Variants in CTNNA3 observed in about 807,000 individuals in gnomAD.
CTNNA3 encodes the protein catenin alpha-3.
In CTNNA3, 76 loss-of-function variants were observed where a neutral mutation model predicts 95.7. The ratio of observed to expected loss-of-function variants is 0.79; its 90% CI spans 0.66 to 0.96. The LOEUF (loss-of-function observed/expected upper bound fraction) is 0.96. CTNNA3 is among the 40% of genes least tolerant of loss of function. The pLI is 0.00. For missense variants in CTNNA3, 1,191 were observed against 1,089.8 expected (o/e 1.09, Z -1.31); for synonymous variants, 431 against 374.4 (o/e 1.15, Z -1.74).
chr10:67,561,704 G>GT (rs1328743973), intron 3 of CTNNA3, among the ~76,000 whole-genome samples: 1 of 151,830 alleles, frequency 6.6e-6, no homozygotes, highest in Non-Finnish European at 1.5e-5. Context: ...CCAGGAGCTG[G>GT]TTTTTTGAAA....
chr10:67,223,864 T>C (rs1864769055), intron 5 of CTNNA3, among the ~76,000 whole-genome samples: 1 of 152,132 alleles, frequency 6.6e-6, no homozygotes, highest in South Asian at 2.1e-4. Flanking sequence ...AAAATAGAGT[T>C]ACCCACAGCA....
At chr10:67,664,921 G>A (rs1457905150) in intron 1 of CTNNA3, among the ~76,000 whole-genome samples, 1 of 152,070 alleles carries the variant, frequency 6.6e-6, no homozygotes, top group Non-Finnish European at 1.5e-5. Context: ...AAAAACTACA[G>A]GGAAAAATCC....
chr10:67,720,079 T>C (rs3132084), intron 1 of CTNNA3, among the ~76,000 whole-genome samples: 63,227 of 145,900 alleles, frequency 0.43, 17,001 homozygotes, highest in African/African-American at 0.77. Context: ...TTTTTCGTAT[T>C]TTTATTGGTT....
chr10:65,946,378 T>C (rs1241770053), intron 17 of CTNNA3, among the ~76,000 whole-genome samples: 1 of 152,148 alleles, frequency 6.6e-6, no homozygotes, highest in Non-Finnish European at 1.5e-5. Flanking sequence ...TTTTTTAGCA[T>C]GATGAAACCT....
intron 15 of CTNNA3, among the ~76,000 whole-genome samples, chr10:66,008,458 C>T (rs866984972): frequency 1.3e-5 from 2 of 152,308 alleles, no homozygotes; most frequent in Non-Finnish European, 1.5e-5. Context: ...AGCTGGCATC[C>T]GAAAGGCGTC....
intron 1 of CTNNA3, among the ~76,000 whole-genome samples, chr10:67,751,564 G>A (rs553966931): frequency 1.5e-4 from 23 of 151,766 alleles, no homozygotes; most frequent in South Asian, 1.2e-3. Context: ...AAAATAGACC[G>A]CTAACTAGAC....
At chr10:67,462,176 TTC>T (rs1043297805) in intron 5 of CTNNA3, among the ~76,000 whole-genome samples, 1 of 152,192 alleles carries the variant, frequency 6.6e-6, no homozygotes, top group Admixed American at 6.6e-5. Flanking sequence ...AAGCACCTAA[TTC>T]TCTCTGTTCC....
chr10:67,431,959 G>A (rs1846124244), intron 5 of CTNNA3, among the ~76,000 whole-genome samples: 1 of 151,872 alleles, frequency 6.6e-6, no homozygotes. Flanking sequence ...AGAAACCTGG[G>A]AACCATCTGA....
chr10:67,584,484 A>T (rs1277676491), intron 3 of CTNNA3, among the ~76,000 whole-genome samples: 1 of 152,196 alleles, frequency 6.6e-6, no homozygotes, highest in Non-Finnish European at 1.5e-5. Flanking sequence ...CCCTCCTGGG[A>T]GGTGTCTCCC....
At chr10:67,054,541 A>G (rs1731201281) in intron 7 of CTNNA3, 2 of 152,182 alleles carry the variant, frequency 1.3e-5, no homozygotes, top group South Asian at 2.1e-4. Context: ...ATGCTTGGCT[A>G]TTAATGCCTT....
intron 15 of CTNNA3, among the ~76,000 whole-genome samples, chr10:66,023,179 T>A (rs1181964974): frequency 6.6e-6 from 1 of 152,168 alleles, no homozygotes; most frequent in South Asian, 2.1e-4. Context: ...TCACTACCTA[T>A]TTTCCATGTT....
intron 16 of CTNNA3, among the ~76,000 whole-genome samples, chr10:65,985,527 T>C (rs1486514619): frequency 6.6e-6 from 1 of 151,478 alleles, no homozygotes; most frequent in African/African-American, 2.4e-5. Flanking sequence ...TTATGTATTT[T>C]ATGCATTTTA....
At chr10:67,163,621 G>A (rs1018028394) in intron 7 of CTNNA3, among the ~76,000 whole-genome samples, 4 of 151,782 alleles carry the variant, frequency 2.6e-5, no homozygotes, top group Admixed American at 6.6e-5. Context: ...AGTTCTAATC[G>A]GTGCAGTAAG....
chr10:65,940,299 T>C (rs181004649), intron 17 of CTNNA3, among the ~76,000 whole-genome samples: 75 of 152,280 alleles, frequency 4.9e-4, no homozygotes, highest in African/African-American at 1.8e-3. Context: ...TGGCAGATAG[T>C]TATTGAGGGA....
chr10:66,404,396 T>C (rs1039724962), intron 11 of CTNNA3, among the ~76,000 whole-genome samples: 1 of 152,146 alleles, frequency 6.6e-6, no homozygotes, highest in African/African-American at 2.4e-5. Flanking sequence ...AGTTTGATTT[T>C]GTTTGTGCAG....
chr10:66,683,721 G>A (rs1336494703), intron 9 of CTNNA3, among the ~76,000 whole-genome samples: 1 of 152,164 alleles, frequency 6.6e-6, no homozygotes, highest in East Asian at 1.9e-4. Flanking sequence ...ACTCATTCAA[G>A]TTTGAGGGAA....
chr10:67,702,792 G>T (rs1214204295), intron 1 of CTNNA3, among the ~76,000 whole-genome samples: 1 of 152,138 alleles, frequency 6.6e-6, no homozygotes, highest in African/African-American at 2.4e-5. Flanking sequence ...AGAACTGAAG[G>T]AAATAGAGAC....
At chr10:66,346,171 T>C (rs1203275283) in intron 12 of CTNNA3, among the ~76,000 whole-genome samples, 1 of 149,570 alleles carries the variant, frequency 6.7e-6, no homozygotes, top group East Asian at 1.9e-4. Flanking sequence ...CAATTTGTTG[T>C]AATATAGGAA....
intron 5 of CTNNA3, among the ~76,000 whole-genome samples, chr10:67,513,709 T>G (rs113843626): frequency 0.015 from 2,357 of 152,266 alleles, 72 homozygotes; most frequent in African/African-American, 0.054. Context: ...TCCCAAACCA[T>G]GAACCCCAGT....
Sources: allele counts gnomAD v4.1 joint callset (sites outside exome capture counted in the v4.1 genomes callset), GRCh38; gene constraint gnomAD v4.1.1; transcripts MANE v1.5; gene names NCBI Gene and HGNC (gene_info 2026-07-23, HGNC 2026-07-21).